Variants in SYT3 observed in about 807,000 individuals in gnomAD.
SYT3 encodes the protein synaptotagmin 3.
A neutral mutation model predicts 50.6 loss-of-function variants in SYT3; 25 were observed. The ratio of observed to expected loss-of-function variants is 0.49; its 90% CI spans 0.36 to 0.69. SYT3 has a LOEUF of 0.69. SYT3 is among the 30% of genes least tolerant of loss of function. SYT3 has a pLI of 0.00. For missense variants in SYT3, 589 were observed against 793.6 expected (o/e 0.74, Z 3.10); for synonymous variants, 323 against 353.9 (o/e 0.91, Z 0.98).
the SYT3 span, among the ~76,000 whole-genome samples, chr19:50,657,025 A>AAGGG: frequency 6.7e-6 from 1 of 149,226 alleles, no homozygotes; most frequent in Non-Finnish European, 1.5e-5. Context: ...GAAAGGAAGG[A>AAGGG]AGGGAGGGAG....
chr19:50,649,656 C>T, the SYT3 span: 8 of 940,628 alleles, frequency 8.5e-6, no homozygotes, highest in Non-Finnish European at 1.2e-5. Context: ...TCACCAGATT[C>T]CTGGAGAGCG....
At chr19:50,629,755 A>T (rs1214162636) in intron 5 of SYT3, 29 bp downstream of exon 5, 1 of 1,519,526 alleles carries the variant, frequency 6.6e-7, no homozygotes, top group African/African-American at 1.5e-5. Flanking sequence ...TCTCTGTGGG[A>T]ACCCGGTGTC....
rs751211133 is a variant in SYT3, at chr19:50,625,320, G to A, written c.1575-26C>T. The A allele has an allele frequency of 2.0e-5, 31 of 1,532,506 alleles. No homozygotes were observed. The highest frequency in any genetic ancestry group is 1.6e-4 in the South Asian group (13 of 83,618). The allele number at this position is 1,532,506 out of a possible 1,614,324, so 94.9% of individuals were successfully genotyped here. On this transcript the variant is annotated intron_variant, in intron 8 of 10. Transcript: ENST00000600079. The surrounding 1 kb of genome is among the most constrained non-coding windows in gnomAD (Gnocchi z 7.5). ...CTGGGGGTTGGGGTCAGTGAGGACC[G>A]TGGAGGGTGGTGGGAGGGCCTGTCC...
At chr19:50,656,080 A>G in the SYT3 span, 5 of 1,536,130 alleles carry the variant, frequency 3.3e-6, no homozygotes, top group Non-Finnish European at 4.4e-6. Context: ...GAGACCCCAG[A>G]GGAGATGCAG....
chr19:50,629,721 C>T (rs1984218352), intron 5 of SYT3, 63 bp downstream of exon 5: 3 of 1,492,968 alleles, frequency 2.0e-6, no homozygotes, highest in African/African-American at 2.8e-5. Context: ...CCCTCAGACC[C>T]GGGAGTCCAG....
At chr19:50,633,458 A>T (rs1208258565) in intron 3 of SYT3, among the ~76,000 whole-genome samples, 1 of 152,216 alleles carries the variant, frequency 6.6e-6, no homozygotes, top group Non-Finnish European at 1.5e-5. Flanking sequence ...ATAGAACACA[A>T]CATGTGAGGT....
chr19:50,657,463 G>A, the SYT3 span, among the ~76,000 whole-genome samples: 1 of 152,170 alleles, frequency 6.6e-6, no homozygotes, highest in Non-Finnish European at 1.5e-5. Context: ...CTAATCACGT[G>A]ATGCAACTGT....
upstream of SYT3, among the ~76,000 whole-genome samples, chr19:50,640,159 C>A (rs1296437207): frequency 6.6e-6 from 1 of 152,164 alleles, no homozygotes; most frequent in African/African-American, 2.4e-5. Context: ...CCCAGGACTT[C>A]AGGCCCTCCA....
upstream of SYT3, among the ~76,000 whole-genome samples, chr19:50,640,671 ATTG>A (rs748400118): frequency 6.6e-5 from 10 of 152,174 alleles, no homozygotes; most frequent in Non-Finnish European, 1.2e-4. Flanking sequence ...CCTGGACTGC[ATTG>A]TTGTCTTGGG....
the SYT3 span, chr19:50,649,707 C>A: frequency 6.5e-5 from 46 of 703,716 alleles, 1 homozygote; most frequent in South Asian, 6.9e-4. Flanking sequence ...TGAGCCTCTG[C>A]AGTTCCTTGG....
At chr19:50,655,086 C>T in the SYT3 span, among the ~76,000 whole-genome samples, 1 of 152,312 alleles carries the variant, frequency 6.6e-6, no homozygotes, top group African/African-American at 2.4e-5. Flanking sequence ...CCTCTCACTC[C>T]AGCTAACACT....
Position 50,637,086 on chromosome 19 carries a change from C to T in SYT3, c.148+178G>A, listed in dbSNP as rs1984518143. On this transcript the variant is annotated intron_variant, in intron 3 of 10. Coordinates refer to ENST00000600079, the MANE Select transcript of SYT3 (RefSeq NM_001160329.2). This position sits in a 1 kb window ranked among gnomAD's most constrained non-coding sequence, Gnocchi z 4.9. ...CACAGGGCAAAACTCAAAAAGCAGACCACACAGCTCCTTCCCCTTGGATCA... is the reference window on the plus strand; with the variant it reads ...CACAGGGCAAAACTCAAAAAGCAGATCACACAGCTCCTTCCCCTTGGATCA... Among the ~76,000 whole-genome samples the T allele has an allele frequency of 6.6e-6, 1 of 152,104 alleles. No homozygotes were observed. The highest frequency in any genetic ancestry group is 6.5e-5 in the Admixed American group (1 of 15,276).
chr19:50,656,305 C>T, the SYT3 span: 1 of 1,536,260 alleles, frequency 6.5e-7, no homozygotes, highest in Non-Finnish European at 8.7e-7. Flanking sequence ...GTTCCCCACA[C>T]CACCAGCTTC....
intron 3 of SYT3, among the ~76,000 whole-genome samples, chr19:50,635,630 A>T (rs897679691): frequency 9.9e-5 from 15 of 152,122 alleles, no homozygotes; most frequent in African/African-American, 3.6e-4. Flanking sequence ...CTATGTTAAC[A>T]CTGTGATATA....
chr19:50,642,460 C>T (rs1033428011), upstream of SYT3, among the ~76,000 whole-genome samples: 1 of 152,272 alleles, frequency 6.6e-6, no homozygotes, highest in Non-Finnish European at 1.5e-5. Context: ...GCTCCCCTCT[C>T]TATGCAACCT....
At chr19:50,653,682 G>GCACACACACACACACA in the SYT3 span, among the ~76,000 whole-genome samples, 1 of 121,844 alleles carries the variant, frequency 8.2e-6, no homozygotes, top group Non-Finnish European at 1.7e-5. Context: ...ATGAGAGACA[G>GCACACACACACACACA]CACACACACA....
At chr19:50,643,666 T>C (rs1264215564), upstream of SYT3, among the ~76,000 whole-genome samples, 1 of 151,862 alleles carries the variant, frequency 6.6e-6, no homozygotes, top group Non-Finnish European at 1.5e-5. Context: ...ATTCATGCAG[T>C]CATTTGAGAA....
chr19:50,629,250 T>C, intron 6 of SYT3, 44 bp downstream of exon 6: 1 of 1,511,624 alleles, frequency 6.6e-7, no homozygotes, highest in Non-Finnish European at 8.9e-7. Context: ...CCGGGGGGTC[T>C]CAGGGCCCTG....
chr19:50,624,983 A>T, intron 9 of SYT3, 179 bp downstream of exon 9: 1 of 498,940 alleles, frequency 2.0e-6, no homozygotes, highest in Non-Finnish European at 3.2e-6. Context: ...GGGTAAATTG[A>T]GGCACAGAGC....
Sources: allele counts gnomAD v4.1 joint callset (sites outside exome capture counted in the v4.1 genomes callset), GRCh38; gene constraint gnomAD v4.1.1; non-coding constraint Gnocchi (gnomAD v3.1); transcripts MANE v1.5; gene names NCBI Gene and HGNC (gene_info 2026-07-23, HGNC 2026-07-21).